The following DUOX1 variants were observed in gnomAD, a reference collection of about 807,000 sequenced individuals.
DUOX1 encodes NADPH thyroid oxidase 1.
A neutral mutation model predicts 181.8 loss-of-function variants in DUOX1; 134 were observed. The observed-to-expected ratio is 0.74, with a 90% CI of 0.64 to 0.85. DUOX1 has a LOEUF of 0.85. DUOX1 is among the 40% of genes least tolerant of loss of function. The probability of loss-of-function intolerance (pLI) is 0.00; values close to 1 mark genes in which losing one functional copy is unlikely to be tolerated. For synonymous variants in DUOX1, 798 were observed against 832.5 expected (o/e 0.96, Z 0.71); for missense variants, 1,814 against 2,064.4 (o/e 0.88, Z 2.35).
intron 19 of DUOX1, 79 bp downstream of exon 19, chr15:45,147,737 C>A: frequency 6.3e-7 from 1 of 1,593,152 alleles, no homozygotes; most frequent in Non-Finnish European, 8.6e-7. Flanking sequence ...GACCAGGTCT[C>A]CAGCCATGGC....
rs533628216 is a variant in DUOX1, at chr15:45,160,390, C to T, written c.3703-447C>T. Among the ~76,000 whole-genome samples, 10 of 152,244 alleles carry T rather than the reference C, an allele frequency of 6.6e-5. No individual in the cohort carries two copies. In the South Asian group the frequency reaches 1.7e-3, roughly 25 times the overall value. The stretch of plus-strand genomic sequence containing the variant: ...TGTTTGAGGAACAGGGAGGGGAGAA[C>T]GGCTGGCAGGCAGAAGTCAAGAGTA... On this transcript the variant is annotated intron_variant, in intron 28 of 33. Coordinates refer to ENST00000389037, the MANE Select transcript of DUOX1 (RefSeq NM_175940.3).
At chr15:45,141,934 T>C in intron 14 of DUOX1, 41 bp from the exon 15 acceptor site, 3 of 1,581,088 alleles carry the variant, frequency 1.9e-6, no homozygotes, top group Non-Finnish European at 2.6e-6. Flanking sequence ...CCAGCACCTG[T>C]GGCCCAGCAC....
chr15:45,144,309 C>A, intron 17 of DUOX1, 74 bp downstream of exon 17: 2 of 1,509,908 alleles, frequency 1.3e-6, no homozygotes, highest in Non-Finnish European at 1.8e-6. Context: ...GGGGAAGAAG[C>A]ATGGGGTCAG....
chr15:45,141,069 G>A lies in DUOX1; in HGVS notation c.1564G>A (p.Gly522Arg). 2 of 1,614,228 alleles carry A rather than the reference G, an allele frequency of 1.2e-6. No homozygotes were observed. Among genetic ancestry groups the A allele is most frequent in the Non-Finnish European group, 1.7e-6 (2 of 1,180,028 alleles). Residue 522 changes from glycine to arginine, a missense_variant and splice_region_variant, in exon 13 of 34, where the codon GGG becomes AGG. Gly to Arg is a moderately radical substitution (Grantham distance 125). This residue lies in a region of DUOX1 where 1,064 missense variants were observed against 1,152.9 expected (regional missense o/e 0.92). Coordinates refer to ENST00000389037, the MANE Select transcript of DUOX1 (RefSeq NM_175940.3). ...CTACTGGTTTGAGAACACCAGGAAT[G>A]GGTAAGGCGTGCTGGGCCTCCGCCT... ...DRYWFENTRN[G>R]LFSKKEIEEI... is the part of the protein sequence containing the mutation.
chr15:45,140,914 C>G lies in DUOX1; in HGVS notation c.1409C>G (p.Ala470Gly). 1 of 1,614,116 alleles carries G rather than the reference C, an allele frequency of 6.2e-7. No homozygotes were observed. The highest frequency in any genetic ancestry group is 8.5e-7 in the Non-Finnish European group (1 of 1,180,012). The change falls in exon 13 of 34, where the codon GCC (alanine) becomes GGC (glycine). Residue 470 changes from alanine to glycine, a missense_variant. Physicochemically the swap from Ala to Gly is moderately conservative, Grantham distance 60 (BLOSUM62 0). Transcript: ENST00000389037. ...TTCCAGGTACTGGAGGCCACAGCTG[C>G]CCTGTACAACCAGGACTTATCCTGG... ...SNDTVLEATA[A>G]LYNQDLSWLE...
At chr15:45,145,704 CA>C (rs1334559341) in intron 18 of DUOX1, among the ~76,000 whole-genome samples, 2 of 152,100 alleles carry the variant, frequency 1.3e-5, no homozygotes, top group African/African-American at 4.8e-5. Flanking sequence ...CACTTGAGGT[CA>C]GGGGTTTGAG....
At chr15:45,163,185 C>T (rs1445957916) in intron 31 of DUOX1, among the ~76,000 whole-genome samples, 2 of 152,218 alleles carry the variant, frequency 1.3e-5, no homozygotes, top group African/African-American at 4.8e-5. Flanking sequence ...TGTGAAATGC[C>T]CTTTAGCCAC....
Position 45,135,133 on chromosome 15 carries a change from G to T in DUOX1, c.337G>T (p.Val113Leu), listed in dbSNP as rs377251160. 3.1e-6 allele frequency: 5 copies of T among 1,613,702 alleles called. No homozygotes were observed. Among genetic ancestry groups the T allele is most frequent in the East Asian group, 2.2e-5 (1 of 44,836 alleles). Residue 113 changes from valine to leucine, a missense_variant, in exon 5 of 34, where the codon GTG (valine) becomes TTG (leucine). This residue lies in a region of DUOX1 where 320 missense variants were observed against 313.1 expected (regional missense o/e 1.02). Coordinates refer to ENST00000389037, the MANE Select transcript of DUOX1 (RefSeq NM_175940.3). ...TCACGTGCTTTCAGACCTGGTGAGC[G>T]TGGAAACTCCCGGCTGCCCCGCCGA... Reference protein sequence around the residue: ...GYHVLSDLVSVETPGCPAEFL... With the variant: ...GYHVLSDLVSLETPGCPAEFL...
intron 16 of DUOX1, 118 bp downstream of exon 16, chr15:45,143,421 G>T: frequency 9.5e-6 from 7 of 734,996 alleles, no homozygotes; most frequent in Non-Finnish European, 1.6e-5. Context: ...TGTAGGCAAG[G>T]CCACAGTGGC....
intron 28 of DUOX1, among the ~76,000 whole-genome samples, chr15:45,159,718 TG>T (rs894188225): frequency 6.6e-6 from 1 of 152,112 alleles, no homozygotes; most frequent in African/African-American, 2.4e-5. Context: ...GAGGATAAAC[TG>T]GGGAAGCGCC....
chr15:45,164,015 G>A (rs538385091), intron 33 of DUOX1, 97 bp downstream of exon 33: 7 of 1,519,346 alleles, frequency 4.6e-6, no homozygotes, highest in Middle Eastern at 2.4e-4. Context: ...ATCGACTGCT[G>A]ATGAGAACCC....
chr15:45,164,855 A>G lies in DUOX1; in HGVS notation c.4610A>G (p.Asn1537Ser), dbSNP rs1021203608. 2.5e-6 allele frequency: 4 copies of G among 1,614,032 alleles called. No individual in the cohort carries two copies. Among genetic ancestry groups the G allele is most frequent in the African/African-American group, 1.3e-5 (1 of 74,904 alleles). The change falls in exon 34 of 34, where the codon AAC becomes AGC. Residue 1537 changes from asparagine (N) to serine (S), a missense_variant. Around this residue, in one of 5 missense-constraint regions of DUOX1, gnomAD observed 124 missense variants for 125.7 expected, o/e 0.99. Coordinates refer to ENST00000389037, the MANE Select transcript of DUOX1 (RefSeq NM_175940.3). The stretch of plus-strand genomic sequence containing the variant: ...GTGGAAAAGGCCTGTCAGCTCATCA[A>G]CAGGCAGGACCGGACTCACTTCTCC... ...KNVEKACQLI[N>S]RQDRTHFSHH...
At chr15:45,140,727 TA>T (rs1166719676) in intron 12 of DUOX1, 167 bp from the exon 13 acceptor site, 1 of 609,158 alleles carries the variant, frequency 1.6e-6, no homozygotes, top group African/African-American at 1.8e-5. Flanking sequence ...TTCACTTATG[TA>T]AAACACTCAG....
chr15:45,161,044 G>C lies in DUOX1; in HGVS notation c.3856+54G>C, dbSNP rs536007425. ...TGACACTGAGGGAGCTGACCGGGCA[G>C]AGGCAGAGTCTAGACCGCACAGTCT... On this transcript the variant is annotated intron_variant, in intron 29 of 33. Transcript: ENST00000389037. The C allele has an allele frequency of 3.4e-5, 55 of 1,610,704 alleles. No homozygotes were observed. The South Asian group carries it at 5.1e-4, about 15-fold the overall frequency.
intron 24 of DUOX1, 63 bp downstream of exon 24, chr15:45,152,115 G>T: frequency 6.4e-7 from 1 of 1,572,768 alleles, no homozygotes. Context: ...CGCCCTGGGG[G>T]TGGGGCCTGC....
chr15:45,155,490 T>C (rs1226148208), intron 27 of DUOX1: 4 of 276,772 alleles, frequency 1.4e-5, no homozygotes, highest in Admixed American at 5.3e-5. Context: ...CATTTGAACC[T>C]GGGAGGCAGA....
In DUOX1 at chr15:45,151,965, C is replaced by T. The variant is rs747976937; in HGVS notation, c.3106C>T (p.Arg1036Cys). 1.4e-5 allele frequency: 23 copies of T among 1,613,916 alleles called. No homozygotes were observed. The highest frequency in any genetic ancestry group is 1.6e-5 in the Non-Finnish European group (19 of 1,180,024). The change falls in exon 24 of 34, where the codon CGC becomes TGC. Residue 1036 changes from arginine to cysteine, a missense_variant. Arg to Cys is a radical substitution (Grantham distance 180). Transcript: ENST00000389037. ...CCACCAGACGGTGCAACAGTTCAAG[C>T]GCTTCATTGAGAACTACCGGCGCCA... ...CLHQTVQQFKRFIENYRRHIG... is the reference protein window; with the variant it reads ...CLHQTVQQFKCFIENYRRHIG...
chr15:45,138,974 A>G (rs908171057), intron 10 of DUOX1, 92 bp from the exon 11 acceptor site: 3 of 1,167,786 alleles, frequency 2.6e-6, no homozygotes, highest in African/African-American at 3.1e-5. Flanking sequence ...GGGTGGGCTC[A>G]GGGATAAGGA....
In DUOX1 at chr15:45,136,606, C is replaced by T. The variant is rs1204854771; in HGVS notation, c.1003C>T (p.Pro335Ser). 6.2e-7 allele frequency: 1 copy of T among 1,613,956 alleles called. No homozygotes were observed. Among genetic ancestry groups the T allele is most frequent in the Non-Finnish European group, 8.5e-7 (1 of 1,179,956 alleles). ...TGAGCAGTTCCTGTCCACCATGGTG[C>T]CCCCTGGCGTCTACATGAGGTGAGG... The part of the protein sequence containing the change: ...ASEQFLSTMV[P>S]PGVYMRNASC... Residue 335 changes from proline (P) to serine (S), a missense_variant, in exon 9 of 34, where the codon CCC (proline) becomes TCC (serine). This residue lies in a region of DUOX1 where 1,064 missense variants were observed against 1,152.9 expected (regional missense o/e 0.92). Coordinates refer to ENST00000389037, the MANE Select transcript of DUOX1 (RefSeq NM_175940.3).
Sources: allele counts gnomAD v4.1 joint callset (sites outside exome capture counted in the v4.1 genomes callset), GRCh38; gene constraint gnomAD v4.1.1; regional missense constraint gnomAD v4.1.1; transcripts MANE v1.5; gene names NCBI Gene and HGNC (gene_info 2026-07-23, HGNC 2026-07-21).